Variants in TAAR1 observed in about 807,000 individuals in gnomAD.
TAAR1 encodes the protein trace amine associated receptor 1.
Under a neutral mutation model 1.2 loss-of-function variants are expected in TAAR1, and 1 was observed. That is an observed-to-expected ratio of 0.81 (90% CI 0.29 to 3.86). The LOEUF (loss-of-function observed/expected upper bound fraction) is 3.86. TAAR1 is among the 30% of genes most tolerant of loss of function. The pLI is 0.18. For missense variants in TAAR1, 445 were observed against 405.6 expected (o/e 1.10, Z -0.83); for synonymous variants, 153 against 132.2 (o/e 1.16, Z -1.08).
chr6:132,649,462 A>G (rs1397448690), intron 1 of TAAR1, among the ~76,000 whole-genome samples: 1 of 152,110 alleles, frequency 6.6e-6, no homozygotes, highest in African/African-American at 2.4e-5. Flanking sequence ...TTTGAAGTTC[A>G]TGTCTTCATG....
rs1777669512 is a variant in TAAR1, at chr6:132,646,083, T to C, written c.-80A>G. 1.4e-6 allele frequency: 2 copies of C among 1,418,690 alleles called. No individual in the cohort carries two copies. Among genetic ancestry groups the C allele is most frequent in the African/African-American group, 2.9e-5 (2 of 69,572 alleles). 87.9% of individuals were successfully genotyped at this position (1,418,690 alleles called of 1,614,324 possible). A position where few individuals can be genotyped will look rare whatever the true frequency, so the allele number is the denominator to read the frequency against. ...TCCCAAATCCATAATCAGGTTACAGTTCCTTCTCATGTTTATTTTTTATTT... is the reference window on the plus strand; with the variant it reads ...TCCCAAATCCATAATCAGGTTACAGCTCCTTCTCATGTTTATTTTTTATTT... On this transcript the variant is annotated 5_prime_UTR_variant, in exon 2 of 2. Coordinates refer to ENST00000275216, the MANE Select transcript of TAAR1 (RefSeq NM_138327.4).
Position 132,643,868 on chromosome 6 carries a change from A to C in TAAR1, c.*1116T>G, listed in dbSNP as rs879823479. 1.3e-5 allele frequency among the ~76,000 whole-genome samples: 2 copies of C among 151,956 alleles called. No individual in the cohort carries two copies. On this transcript the variant is annotated 3_prime_UTR_variant, in exon 2 of 2. Transcript: ENST00000275216. ...TATGCCATCTAAATAGCCATGGTAC[A>C]TCTAGTCTGATTATACTTCTTGTTG...
chr6:132,645,811 T>G lies in TAAR1; in HGVS notation c.193A>C (p.Met65Leu). ...CCCAGAAGAAAGTCCACAGTGGCCA[T>G]GGAATGAATGAGCCAATTTGTTGGG... ...HTPTNWLIHS[M>L]ATVDFLLGCL... is the part of the protein sequence containing the mutation. The change falls in exon 2 of 2, where the codon ATG (methionine) becomes CTG (leucine). Residue 65 changes from methionine to leucine, a missense_variant. Met to Leu is a conservative substitution (Grantham distance 15). Transcript: ENST00000275216. The G allele has an allele frequency of 1.9e-6, 3 of 1,613,772 alleles. No homozygotes were observed. Among genetic ancestry groups the G allele is most frequent in the Non-Finnish European group, 2.5e-6 (3 of 1,179,810 alleles).
At position 132,645,520 on chromosome 6, in the gene TAAR1, C is replaced by G. The variant is rs781753552; in HGVS notation, c.484G>C (p.Glu162Gln). ...TCTTCAGCGCCTTTGAAGTTTAGCT[C>G]CAGAAAGATCATTCCAAATGCAAAA... ...AVFAFGMIFL[E>Q]LNFKGAEEIY... is the part of the protein sequence containing the mutation. Residue 162 changes from glutamate (E) to glutamine (Q), a missense_variant, in exon 2 of 2, where the codon GAG becomes CAG. By Grantham distance (29) the Glu-to-Gln change is conservative (BLOSUM62 2). Coordinates refer to ENST00000275216, the MANE Select transcript of TAAR1 (RefSeq NM_138327.4). The G allele has an allele frequency of 6.2e-7, 1 of 1,613,616 alleles. No homozygotes were observed. Among genetic ancestry groups the G allele is most frequent in the Non-Finnish European group, 8.5e-7 (1 of 1,179,810 alleles).
At chr6:132,652,602 G>A (rs936753079) in intron 1 of TAAR1, among the ~76,000 whole-genome samples, 2 of 148,654 alleles carry the variant, frequency 1.3e-5, no homozygotes, top group Admixed American at 6.8e-5. Context: ...ACCGCACCTG[G>A]CTCAGACATT....
At chr6:132,653,840 G>A (rs537286443) in intron 1 of TAAR1, among the ~76,000 whole-genome samples, 32 of 152,214 alleles carry the variant, frequency 2.1e-4, no homozygotes, top group African/African-American at 7.5e-4. Context: ...AACTTTTAAT[G>A]TTTCATTTGG....
At chr6:132,647,767 C>T (rs1055725318) in intron 1 of TAAR1, among the ~76,000 whole-genome samples, 1 of 152,054 alleles carries the variant, frequency 6.6e-6, no homozygotes, top group African/African-American at 2.4e-5. Flanking sequence ...GTCCTATAGT[C>T]TATCACTTTG....
chr6:132,647,679 A>AGAAAGAAAGAAG (rs1554208990), intron 1 of TAAR1, among the ~76,000 whole-genome samples: 17 of 148,490 alleles, frequency 1.1e-4, no homozygotes, highest in Admixed American at 6.7e-4. Context: ...AAAGAAAGAA[A>AGAAAGAAAGAAG]GAAGAAAGAA....
intron 1 of TAAR1, among the ~76,000 whole-genome samples, chr6:132,650,418 A>G (rs955344984): frequency 1.3e-5 from 2 of 152,222 alleles, no homozygotes; most frequent in African/African-American, 2.4e-5. Flanking sequence ...TGAATGTGGC[A>G]TAGAAAAACA....
intron 1 of TAAR1, among the ~76,000 whole-genome samples, chr6:132,647,916 A>G (rs931003811): frequency 5.3e-5 from 8 of 152,128 alleles, no homozygotes; most frequent in Non-Finnish European, 1.0e-4. Flanking sequence ...GTATATTTTA[A>G]TAAATTTGGA....
At chr6:132,652,235 A>G (rs1777757163) in intron 1 of TAAR1, among the ~76,000 whole-genome samples, 1 of 152,060 alleles carries the variant, frequency 6.6e-6, no homozygotes, top group Non-Finnish European at 1.5e-5. Flanking sequence ...AAAAACTAAA[A>G]AAGAAGTGAT....
At chr6:132,651,095 C>G (rs1320280076) in intron 1 of TAAR1, among the ~76,000 whole-genome samples, 1 of 152,198 alleles carries the variant, frequency 6.6e-6, no homozygotes, top group Non-Finnish European at 1.5e-5. Flanking sequence ...GCCTCAAGTT[C>G]TTGCTTGGCC....
chr6:132,656,211 C>G (rs980841523), intron 1 of TAAR1, among the ~76,000 whole-genome samples: 1 of 152,084 alleles, frequency 6.6e-6, no homozygotes, highest in Non-Finnish European at 1.5e-5. Flanking sequence ...TTCTAGAGCT[C>G]TTATGAAGCT....
chr6:132,646,413 GA>G (rs1193764716), intron 1 of TAAR1, among the ~76,000 whole-genome samples: 4 of 152,086 alleles, frequency 2.6e-5, no homozygotes, highest in Admixed American at 6.6e-5. Context: ...TTAATCTATG[GA>G]AACAATCTGT....
chr6:132,652,547 C>T (rs531322373), intron 1 of TAAR1, among the ~76,000 whole-genome samples: 4 of 150,090 alleles, frequency 2.7e-5, no homozygotes, highest in African/African-American at 4.9e-5. Context: ...CCTCGTGATC[C>T]GCCTGCCTCG....
intron 1 of TAAR1, among the ~76,000 whole-genome samples, chr6:132,658,147 A>G (rs1056707769): frequency 2.6e-5 from 4 of 152,172 alleles, no homozygotes; most frequent in African/African-American, 9.6e-5. Flanking sequence ...TAGCTCTGTA[A>G]TTCCAGTATT....
At position 132,645,238 on chromosome 6, in the gene TAAR1, C is replaced by T; in HGVS notation, c.766G>A (p.Val256Met). 1 of 1,613,746 alleles carries T rather than the reference C, an allele frequency of 6.2e-7. No homozygotes were observed. Among genetic ancestry groups the T allele is most frequent in the Non-Finnish European group, 8.5e-7 (1 of 1,179,784 alleles). The change falls in exon 2 of 2, where the codon GTG (valine) becomes ATG (methionine). Residue 256 changes from valine (V) to methionine (M), a missense_variant. Physicochemically the swap from Val to Met is conservative, Grantham distance 21. Transcript: ENST00000275216. ...ERKAVKTLGI[V>M]MGVFLICWCP... ...CAGCATATTAGGAAAACTCCCATCACAATCCCCAATGTCTTCACAGCTTTC... is the reference window on the plus strand; with the variant it reads ...CAGCATATTAGGAAAACTCCCATCATAATCCCCAATGTCTTCACAGCTTTC...
chr6:132,650,501 C>T (rs532636232), intron 1 of TAAR1, among the ~76,000 whole-genome samples: 2 of 152,202 alleles, frequency 1.3e-5, no homozygotes, highest in South Asian at 4.1e-4. Context: ...CTCCATTTCC[C>T]TGTTACATTC....
Position 132,645,469 on chromosome 6 carries a change from T to G in TAAR1, c.535A>C (p.Arg179=). 1 of 1,613,822 alleles carries G rather than the reference T, an allele frequency of 6.2e-7. No individual in the cohort carries two copies. Among genetic ancestry groups the G allele is most frequent in the African/African-American group, 1.3e-5 (1 of 75,028 alleles). Residue 179 remains arginine, a synonymous_variant, in exon 2 of 2, where the codon AGA becomes CGA. Coordinates refer to ENST00000275216, the MANE Select transcript of TAAR1 (RefSeq NM_138327.4). The part of the protein sequence containing the change: ...EEIYYKHVHC[R]GGCSVFFSKI... Reference sequence around the variant, plus strand: ...CTAAAGAAGACAGAGCAACCTCCTCTGCAGTGAACATGTTTGTAATATATC... The same window carrying G: ...CTAAAGAAGACAGAGCAACCTCCTCGGCAGTGAACATGTTTGTAATATATC...
Sources: allele counts gnomAD v4.1 joint callset (sites outside exome capture counted in the v4.1 genomes callset), GRCh38; gene constraint gnomAD v4.1.1; transcripts MANE v1.5; gene names NCBI Gene and HGNC (gene_info 2026-07-23, HGNC 2026-07-21).